The following CEP192 variants were observed in gnomAD, a reference collection of about 807,000 sequenced individuals.
CEP192 encodes the protein centrosomal protein 192, also known as centrosomal protein of 192 kDa.
CEP192 carries 151 observed loss-of-function variants against 271.8 expected under a neutral mutation model. The ratio of observed to expected loss-of-function variants is 0.56; its 90% CI spans 0.49 to 0.64. CEP192 has a LOEUF of 0.64. Ranked by LOEUF, CEP192 falls within the 30% of genes least tolerant of loss-of-function variation. CEP192 has a pLI of 0.00. For synonymous variants in CEP192, 995 were observed against 1,076.5 expected (o/e 0.92, Z 1.48); for missense variants, 2,910 against 3,020.5 (o/e 0.96, Z 0.86).
At chr18:13,065,551 A>T (rs1040523589) in intron 21 of CEP192, among the ~76,000 whole-genome samples, 1 of 152,238 alleles carries the variant, frequency 6.6e-6, no homozygotes, top group Non-Finnish European at 1.5e-5. Context: ...TAGAATCCAT[A>T]AGTTATGCTC....
chr18:13,064,932 T>C (rs1235908132), intron 21 of CEP192, among the ~76,000 whole-genome samples: 1 of 152,182 alleles, frequency 6.6e-6, no homozygotes, highest in Non-Finnish European at 1.5e-5. Flanking sequence ...TTTTCTATTT[T>C]TTTGTGTCCT....
chr18:13,106,436 C>G (rs1378696254), intron 40 of CEP192, among the ~76,000 whole-genome samples: 1 of 123,974 alleles, frequency 8.1e-6, no homozygotes, highest in Non-Finnish European at 1.8e-5. Context: ...TCCCACACAA[C>G]CCTCAATTAC....
rs1410688968 is a variant in CEP192, at chr18:13,069,872, T to TA, written c.5174+17dup. 6.9e-7 allele frequency: 1 copy of TA among 1,444,724 alleles called. No homozygotes were observed. The highest frequency in any genetic ancestry group is 1.4e-5 in the African/African-American group (1 of 70,770). 89.5% of individuals were successfully genotyped at this position (1,444,724 alleles called of 1,614,324 possible). On this transcript the variant is annotated intron_variant, in intron 27 of 44. Transcript: ENST00000506447. ...GCGAGGAAAGGTAATATAAAAATGT[T>TA]ATAATGGACCGGGCACAGTGGCTCA... is the stretch of plus-strand genomic sequence containing the variant.
chr18:13,107,504 G>A (rs1174446263), intron 40 of CEP192, among the ~76,000 whole-genome samples: 1 of 152,218 alleles, frequency 6.6e-6, no homozygotes, highest in African/African-American at 2.4e-5. Context: ...AAATCTGAAA[G>A]CTTGGTTTTC....
chr18:13,085,456 T>C (rs1390929063), intron 30 of CEP192, among the ~76,000 whole-genome samples: 2 of 152,238 alleles, frequency 1.3e-5, no homozygotes, highest in African/African-American at 2.4e-5. Flanking sequence ...TGTTTAGTCA[T>C]GAAGTCTTTG....
Position 13,011,536 on chromosome 18 carries a change from T to G in CEP192, c.467-1437T>G, listed in dbSNP as rs556063101. 1.2e-4 allele frequency among the ~76,000 whole-genome samples: 18 copies of G among 152,204 alleles called. 1 individual carries two copies. The highest frequency in any genetic ancestry group is 4.2e-4 in the South Asian group (2 of 4,818). On this transcript the variant is annotated intron_variant, in intron 4 of 44. Transcript: ENST00000506447. ...ACTTTGTTTTGTTTTGTTTTGTTTT[T>G]TTTTGAGACAGAGTCTTGCTCTGTC...
chr18:13,029,857 T>C lies in CEP192; in HGVS notation c.1245T>C (p.Pro415=), dbSNP rs1568305134. ...ATGGATGTTTAGACACTGAGACTCC[T>C]ACGGTGTCCATTCAAGAAAATGTGG... ...HMDGCLDTET[P]TVSIQENVDV... is the part of the protein sequence containing the mutation. The change falls in exon 10 of 45, where the codon CCT becomes CCC. Residue 415 remains proline (P), a synonymous_variant. Coordinates refer to ENST00000506447, the MANE Select transcript of CEP192 (RefSeq NM_032142.4). 1.9e-6 allele frequency: 3 copies of C among 1,551,656 alleles called. No individual in the cohort carries two copies. The highest frequency in any genetic ancestry group is 3.9e-5 in the Admixed American group (2 of 51,008).
chr18:13,105,450 C>A (rs12961429), intron 40 of CEP192, among the ~76,000 whole-genome samples: 63 of 152,180 alleles, frequency 4.1e-4, no homozygotes, highest in African/African-American at 1.4e-3. Flanking sequence ...ACAGATCCCT[C>A]CAGCTACTAT....
chr18:13,073,143 C>G lies in CEP192; in HGVS notation c.5574C>G (p.Ile1858Met), dbSNP rs540749355. ...CTTGCATGTTGGCTAGACTAGAAAT[C>G]AAACAACTTGGAAATCGATCACAAC... ...RLSCMLARLE[I>M]KQLGNRSQPG... The change falls in exon 30 of 45, where the codon ATC becomes ATG. Residue 1858 changes from isoleucine to methionine, a missense_variant. Physicochemically the swap from Ile to Met is conservative, Grantham distance 10. Transcript: ENST00000506447. 6.6e-5 allele frequency: 106 copies of G among 1,612,600 alleles called. 3 individuals are homozygous for G. In the South Asian group the frequency reaches 1.1e-3, roughly 17 times the overall value.
chr18:13,008,924 G>A (rs1438735287), intron 4 of CEP192, among the ~76,000 whole-genome samples: 1 of 151,468 alleles, frequency 6.6e-6, no homozygotes, highest in Admixed American at 6.6e-5. Flanking sequence ...CCCAGGCTGG[G>A]CTCGAACGCC....
At chr18:13,061,729 A>T (rs1274402537) in intron 21 of CEP192, among the ~76,000 whole-genome samples, 1 of 152,144 alleles carries the variant, frequency 6.6e-6, no homozygotes, top group Non-Finnish European at 1.5e-5. Flanking sequence ...CACTACTGCC[A>T]TTTTGGGCTA....
rs568337834 is a variant in CEP192 at position 13,078,785 on chromosome 18, G to GC, written c.5616+5606dup. Among the ~76,000 whole-genome samples, 16 of 151,886 alleles carry GC rather than the reference G, an allele frequency of 1.1e-4. No homozygotes were observed. The East Asian group carries it at 2.9e-3, about 28-fold the overall frequency. The stretch of plus-strand genomic sequence containing the variant: ...ATCTCCTAATGCTATCCCTTCCCCT[G>GC]CCCCCCATCCCACAACAGGCCCCCA... On this transcript the variant is annotated intron_variant, in intron 30 of 44. Coordinates refer to ENST00000506447, the MANE Select transcript of CEP192 (RefSeq NM_032142.4).
chr18:12,998,679 T>A (rs532043590), intron 1 of CEP192, among the ~76,000 whole-genome samples: 1 of 152,232 alleles, frequency 6.6e-6, no homozygotes, highest in African/African-American at 2.4e-5. Context: ...CCTCTCATTT[T>A]TTTTAGCTTT....
At position 13,029,772 on chromosome 18, in the gene CEP192, C is replaced by T. The variant is rs1367303898; in HGVS notation, c.1160C>T (p.Thr387Ile). 5 of 1,551,490 alleles carry T rather than the reference C, an allele frequency of 3.2e-6. No individual in the cohort carries two copies. The highest frequency in any genetic ancestry group is 4.4e-6 in the Non-Finnish European group (5 of 1,146,918). The change falls in exon 10 of 45, where the codon ACT (threonine) becomes ATT (isoleucine). Residue 387 changes from threonine to isoleucine, a missense_variant. Coordinates refer to ENST00000506447, the MANE Select transcript of CEP192 (RefSeq NM_032142.4). ...ANANRGGFDL[T>I]DPVKQGAECP... ...GCCAATAGAGGTGGTTTTGATCTGA[C>T]TGACCCTGTAAAACAGGGGGCAGAG...
At chr18:13,072,723 A>G (rs777124206) in intron 28 of CEP192, 32 bp from the exon 29 acceptor site, 19 of 1,428,388 alleles carry the variant, frequency 1.3e-5, no homozygotes, top group Admixed American at 1.7e-5. Context: ...CCATGGAGAA[A>G]AACCATATTT....
At chr18:13,003,544 A>G (rs1369630081) in intron 3 of CEP192, among the ~76,000 whole-genome samples, 1 of 151,986 alleles carries the variant, frequency 6.6e-6, no homozygotes, top group Non-Finnish European at 1.5e-5. Flanking sequence ...CTTCAGGCCA[A>G]AGGTGCGGCC....
intron 44 of CEP192, among the ~76,000 whole-genome samples, chr18:13,122,689 G>A (rs961380449): frequency 6.6e-6 from 1 of 152,234 alleles, no homozygotes; most frequent in African/African-American, 2.4e-5. Flanking sequence ...TGGGGGCTGA[G>A]TGTGCACAGC....
intron 11 of CEP192, among the ~76,000 whole-genome samples, chr18:13,036,558 G>A (rs1296084790): frequency 2.0e-5 from 3 of 152,250 alleles, no homozygotes; most frequent in Non-Finnish European, 4.4e-5. Context: ...AGTTCTTGGC[G>A]ATTCTGATGC....
At chr18:13,005,192 G>C (rs1328851946) in intron 3 of CEP192, among the ~76,000 whole-genome samples, 2 of 152,148 alleles carry the variant, frequency 1.3e-5, no homozygotes, top group African/African-American at 4.8e-5. Context: ...TCAGAGCTTG[G>C]GGGTAGCAAT....
Sources: gnomAD v4.1 joint callset for allele counts (sites outside exome capture counted in the v4.1 genomes callset) on GRCh38, gnomAD v4.1.1 for gene constraint, MANE v1.5 for transcripts, NCBI Gene and HGNC (gene_info 2026-07-23, HGNC 2026-07-21) for gene names.